The following ADK variants were observed in gnomAD, a reference collection of about 807,000 sequenced individuals.
The protein encoded by ADK is adenosine kinase, also known as N6,N6-dimethyladenosine kinase.
A neutral mutation model predicts 44.7 loss-of-function variants in ADK; 24 were observed. The observed-to-expected ratio is 0.54, with a 90% CI of 0.39 to 0.76. The LOEUF is 0.76. Among genes scored for constraint, ADK ranks in the 30% least tolerant of loss-of-function variants. The pLI is 0.00. For synonymous variants in ADK, 128 were observed against 142.6 expected, an observed-to-expected ratio of 0.90 and a Z score of 0.73; for missense variants, 321 against 425.1, an observed-to-expected ratio of 0.76 and a Z score of 2.15.
chr10:74,563,694 A>G (rs189307946), intron 7 of ADK, among the ~76,000 whole-genome samples: 43 of 152,302 alleles, frequency 2.8e-4, no homozygotes, highest in Admixed American at 2.2e-3. Flanking sequence ...GCATGTATAC[A>G]TATGTCTAAA....
At chr10:74,467,062 TAATC>T (rs1294796488) in intron 6 of ADK, among the ~76,000 whole-genome samples, 2 of 152,148 alleles carry the variant, frequency 1.3e-5, no homozygotes, top group Admixed American at 6.6e-5. Context: ...GAAAAGATAA[TAATC>T]AAAGTTTTGT....
chr10:74,542,053 CA>C (rs1849660133), intron 7 of ADK, among the ~76,000 whole-genome samples: 1 of 151,946 alleles, frequency 6.6e-6, no homozygotes, highest in South Asian at 2.1e-4. Context: ...CCAGCCTGGG[CA>C]ACATGGTATA....
chr10:74,697,191 G>A lies in ADK; in HGVS notation c.965-11130G>A, dbSNP rs539239885. 2.0e-5 allele frequency among the ~76,000 whole-genome samples: 3 copies of A among 152,122 alleles called. No individual in the cohort carries two copies. The South Asian group carries it at 6.2e-4, about 31-fold the overall frequency. Reference sequence around the variant, plus strand: ...AGAGCCACTGACATGTATTTGTACTGTATCTTTGGGAAAACAATTTCAGCG... The same window carrying A: ...AGAGCCACTGACATGTATTTGTACTATATCTTTGGGAAAACAATTTCAGCG... On this transcript the variant is annotated intron_variant, in intron 10 of 10. Coordinates refer to ENST00000539909, the MANE Select transcript of ADK (RefSeq NM_006721.4).
intron 6 of ADK, among the ~76,000 whole-genome samples, chr10:74,443,923 C>G (rs1346161116): frequency 6.6e-6 from 1 of 151,998 alleles, no homozygotes; most frequent in Non-Finnish European, 1.5e-5. Flanking sequence ...TAATCAAACA[C>G]TGTGATAGTA....
At chr10:74,492,709 G>GT (rs1284513148) in intron 6 of ADK, among the ~76,000 whole-genome samples, 26 of 151,894 alleles carry the variant, frequency 1.7e-4, no homozygotes, top group African/African-American at 5.8e-4. Context: ...TGTACCTTAA[G>GT]TTTTTTTTAT....
chr10:74,185,761 G>A (rs1236152794), intron 1 of ADK, among the ~76,000 whole-genome samples: 5 of 73,630 alleles, frequency 6.8e-5, no homozygotes, highest in Admixed American at 1.2e-4. Flanking sequence ...CCGTGAACCC[G>A]GGAGGCGGAG....
chr10:74,618,972 C>G (rs1239655249), intron 9 of ADK, among the ~76,000 whole-genome samples: 1 of 149,528 alleles, frequency 6.7e-6, no homozygotes, highest in Non-Finnish European at 1.5e-5. Flanking sequence ...TATACATATA[C>G]TAGGTCTTTT....
At chr10:74,526,537 G>A (rs1325887155) in intron 7 of ADK, among the ~76,000 whole-genome samples, 1 of 152,110 alleles carries the variant, frequency 6.6e-6, no homozygotes, top group Non-Finnish European at 1.5e-5. Context: ...TTCTAACATA[G>A]TTTGAATATA....
intron 7 of ADK, among the ~76,000 whole-genome samples, chr10:74,585,933 C>T (rs1564805952): frequency 6.6e-6 from 1 of 152,192 alleles, no homozygotes; most frequent in Non-Finnish European, 1.5e-5. Context: ...TTGGAATTAT[C>T]TCTGATATTT....
At chr10:74,152,599 A>G (rs973642304) in intron 1 of ADK, among the ~76,000 whole-genome samples, 1 of 152,084 alleles carries the variant, frequency 6.6e-6, no homozygotes. Context: ...TAACCCTTAG[A>G]TTTCCTTAGA....
chr10:74,219,746 G>A (rs889312884), intron 2 of ADK, among the ~76,000 whole-genome samples: 4 of 150,816 alleles, frequency 2.7e-5, no homozygotes, highest in Non-Finnish European at 4.4e-5. Flanking sequence ...CATGGAAACT[G>A]AACAACCTGC....
intron 4 of ADK, among the ~76,000 whole-genome samples, chr10:74,344,324 G>A (rs1340523920): frequency 6.6e-6 from 1 of 152,050 alleles, no homozygotes; most frequent in Non-Finnish European, 1.5e-5. Flanking sequence ...GAATCTTAAG[G>A]CCTCAACAAA....
intron 6 of ADK, among the ~76,000 whole-genome samples, chr10:74,523,056 G>C (rs1485667684): frequency 6.6e-6 from 1 of 152,024 alleles, no homozygotes. Flanking sequence ...ATGAATCCAG[G>C]CTTCATCACA....
intron 3 of ADK, among the ~76,000 whole-genome samples, chr10:74,255,537 A>G (rs923746991): frequency 5.9e-5 from 9 of 152,198 alleles, no homozygotes; most frequent in African/African-American, 1.9e-4. Flanking sequence ...TGACAGTCCA[A>G]TATGTATAAT....
chr10:74,180,139 A>G (rs571254249), intron 1 of ADK, among the ~76,000 whole-genome samples: 3 of 151,950 alleles, frequency 2.0e-5, no homozygotes, highest in Admixed American at 6.5e-5. Flanking sequence ...ATGAGGACCA[A>G]TGGTCAGAAT....
At chr10:74,570,777 A>G (rs1264334232) in intron 7 of ADK, among the ~76,000 whole-genome samples, 1 of 151,980 alleles carries the variant, frequency 6.6e-6, no homozygotes, top group African/African-American at 2.4e-5. Flanking sequence ...AATACCCTTT[A>G]TTTCCTTCTC....
At chr10:74,541,814 A>C (rs1849649785) in intron 7 of ADK, among the ~76,000 whole-genome samples, 1 of 133,414 alleles carries the variant, frequency 7.5e-6, no homozygotes, top group South Asian at 2.6e-4. Flanking sequence ...CCTAAAAAAA[A>C]ACAACACAAC....
rs565895727 is a variant in ADK, at chr10:74,373,619, A to G, written c.274-20522A>G. Reference sequence around the variant, plus strand: ...ATTAAAGTCAAAACTACAATGAGATACCATTTCACTCCTGCTAGGATGATG... The same window carrying G: ...ATTAAAGTCAAAACTACAATGAGATGCCATTTCACTCCTGCTAGGATGATG... On this transcript the variant is annotated intron_variant, in intron 4 of 10. Coordinates refer to ENST00000539909, the MANE Select transcript of ADK (RefSeq NM_006721.4). Among the ~76,000 whole-genome samples, 59 of 152,294 alleles carry G rather than the reference A, an allele frequency of 3.9e-4. No individual in the cohort carries two copies. The South Asian group carries it at 9.3e-3, about 24-fold the overall frequency.
chr10:74,587,622 G>A (rs1851574001), intron 7 of ADK, among the ~76,000 whole-genome samples: 1 of 151,836 alleles, frequency 6.6e-6, no homozygotes, highest in African/African-American at 2.4e-5. Context: ...TTTTAGTTGA[G>A]TTGGATCTGC....
Sources: gnomAD v4.1 joint callset for allele counts (sites outside exome capture counted in the v4.1 genomes callset) on GRCh38, gnomAD v4.1.1 for gene constraint, MANE v1.5 for transcripts, NCBI Gene and HGNC (gene_info 2026-07-23, HGNC 2026-07-21) for gene names.